The following SNPH variants were observed in gnomAD, a reference collection of about 807,000 sequenced individuals.
SNPH encodes syntaphilin.
In SNPH, 10 loss-of-function variants were observed where a neutral mutation model predicts 36.8. The ratio of observed to expected loss-of-function variants is 0.27; its 90% CI spans 0.17 to 0.46. SNPH has a LOEUF of 0.46. Ranked by LOEUF, SNPH falls within the 20% of genes least tolerant of loss-of-function variation. The pLI, the probability that SNPH is intolerant of heterozygous loss-of-function variation, is 1.00. For missense variants in SNPH, 622 were observed against 744.0 expected (o/e 0.84, Z 1.91); for synonymous variants, 281 against 312.2 (o/e 0.90, Z 1.05).
At position 1,296,358 on chromosome 20, in the gene SNPH, G is replaced by C; in HGVS notation, c.119G>C (p.Arg40Pro). 1 of 1,596,862 alleles carries C rather than the reference G, an allele frequency of 6.3e-7. No individual in the cohort carries two copies. ...PGIPPIPPLTRTHSLMAMSLP... is the reference protein window; with the variant it reads ...PGIPPIPPLTPTHSLMAMSLP... ...ATACCGCCCATCCCACCCCTTACTCGGACCCACAGCCTCATGGCCATGTCC... is the reference window on the plus strand; with the variant it reads ...ATACCGCCCATCCCACCCCTTACTCCGACCCACAGCCTCATGGCCATGTCC... The change falls in exon 4 of 7, where the codon CGG (arginine) becomes CCG (proline). Residue 40 changes from arginine (R) to proline (P), a missense_variant. This residue lies in a region of SNPH where 187 missense variants were observed against 209.4 expected (regional missense o/e 0.89). Transcript: ENST00000381867.
intron 2 of SNPH, among the ~76,000 whole-genome samples, chr20:1,286,831 T>TG (rs565626058): frequency 5.5e-4 from 84 of 152,158 alleles, no homozygotes; most frequent in South Asian, 1.9e-3. Flanking sequence ...GATCTCAGGC[T>TG]GGGTGGGGGC....
chr20:1,300,754 C>A (rs780310362), intron 6 of SNPH, 43 bp downstream of exon 6: 1 of 1,566,422 alleles, frequency 6.4e-7, no homozygotes, highest in East Asian at 2.3e-5. Context: ...ACCCCACCAG[C>A]TCCACACTCA....
chr20:1,271,605 G>A (rs905049638), intron 2 of SNPH, among the ~76,000 whole-genome samples: 1 of 152,198 alleles, frequency 6.6e-6, no homozygotes, highest in Non-Finnish European at 1.5e-5. Context: ...GCCTCCCAAA[G>A]TGTCTTTCTT....
At chr20:1,277,741 G>A (rs960545558) in intron 2 of SNPH, among the ~76,000 whole-genome samples, 14 of 132,824 alleles carry the variant, frequency 1.1e-4, no homozygotes, top group East Asian at 2.5e-4. Context: ...TGTGTGTGTC[G>A]TGTGTCTGTG....
In SNPH at chr20:1,280,148, C is replaced by T. The variant is rs116567090; in HGVS notation, c.-493+13388C>T. 2.4e-3 allele frequency among the ~76,000 whole-genome samples: 369 copies of T among 152,280 alleles called. 2 individuals are homozygous for T. Among genetic ancestry groups the T allele is most frequent in the African/African-American group, 8.2e-3 (341 of 41,528 alleles). ...TGCTCTGAGCTGTGTGGAGCCTGGA[C>T]GAGGACCTCGTGACTTCTTCTGCCA... On this transcript the variant is annotated intron_variant, in intron 2 of 6. Coordinates refer to ENST00000381867, the MANE Select transcript of SNPH (RefSeq NM_001318234.2).
At chr20:1,272,897 C>G (rs62187492) in intron 2 of SNPH, among the ~76,000 whole-genome samples, 3,835 of 152,348 alleles carry the variant, frequency 0.025, 74 homozygotes, top group South Asian at 0.11. Flanking sequence ...CTCCAGATAC[C>G]TCTGTACCCC....
intron 2 of SNPH, among the ~76,000 whole-genome samples, chr20:1,275,792 T>G (rs1049917985): frequency 6.6e-6 from 1 of 152,188 alleles, no homozygotes; most frequent in East Asian, 1.9e-4. Context: ...TTTGATAGTT[T>G]ATGACTTCAG....
chr20:1,266,728 G>A lies in SNPH; in HGVS notation c.-525G>A. ...GCCAAGCCGGGCCGGAGTGGTGCGAGCCGGCGGGGCTGCGGAGGGCCAGTG... is the reference window on the plus strand; with the variant it reads ...GCCAAGCCGGGCCGGAGTGGTGCGAACCGGCGGGGCTGCGGAGGGCCAGTG... On this transcript the variant is annotated 5_prime_UTR_variant, in exon 2 of 7. Transcript: ENST00000381867. This position sits in a 1 kb window ranked among gnomAD's most constrained non-coding sequence, Gnocchi z 6.0. 1 of 1,406,384 alleles carries A rather than the reference G, an allele frequency of 7.1e-7. No individual in the cohort carries two copies. Among genetic ancestry groups the A allele is most frequent in the Non-Finnish European group, 9.2e-7 (1 of 1,084,338 alleles). 87.1% of individuals were successfully genotyped at this position (1,406,384 alleles called of 1,614,324 possible). A position where few individuals can be genotyped will look rare whatever the true frequency, so the allele number is the denominator to read the frequency against.
rs569066585 is a variant in SNPH, at chr20:1,293,339, A to G, written c.-492-1612A>G. Reference sequence around the variant, plus strand: ...AAGATGGGGAAGTGGAGGGAAGTTCAGTGAGGGCAGGGGCTGGGTTTACTC... The same window carrying G: ...AAGATGGGGAAGTGGAGGGAAGTTCGGTGAGGGCAGGGGCTGGGTTTACTC... On this transcript the variant is annotated intron_variant, in intron 2 of 6. Transcript: ENST00000381867. 9.8e-5 allele frequency among the ~76,000 whole-genome samples: 15 copies of G among 152,292 alleles called. No homozygotes were observed. The South Asian group carries it at 3.1e-3, about 32-fold the overall frequency.
At chr20:1,271,093 T>C (rs1253226832) in intron 2 of SNPH, among the ~76,000 whole-genome samples, 1 of 152,168 alleles carries the variant, frequency 6.6e-6, no homozygotes, top group Admixed American at 6.5e-5. Flanking sequence ...CTCAGCACTG[T>C]CCTCTGAATT....
In SNPH at chr20:1,304,133, C is replaced by G. The variant is rs1017943078; in HGVS notation, c.441-745C>G. On this transcript the variant is annotated intron_variant, in intron 6 of 6. Transcript: ENST00000381867. This position sits in a 1 kb window ranked among gnomAD's most constrained non-coding sequence, Gnocchi z 4.3. ...TCACCTGGTGCTTGCCCCCGTCGCTCAGGAGTAACTCTATGCCTTTCTCGT... is the reference window on the plus strand; with the variant it reads ...TCACCTGGTGCTTGCCCCCGTCGCTGAGGAGTAACTCTATGCCTTTCTCGT... 6.6e-6 allele frequency among the ~76,000 whole-genome samples: 1 copy of G among 152,198 alleles called. No individual in the cohort carries two copies. The highest frequency in any genetic ancestry group is 2.4e-5 in the African/African-American group (1 of 41,444).
chr20:1,286,496 T>G (rs1484761257), intron 2 of SNPH, among the ~76,000 whole-genome samples: 1 of 152,194 alleles, frequency 6.6e-6, no homozygotes, highest in Non-Finnish European at 1.5e-5. Context: ...TTGGGTGCGC[T>G]GGGCTCCATG....
intron 2 of SNPH, among the ~76,000 whole-genome samples, chr20:1,289,830 TA>T (rs1209511452): frequency 9.3e-5 from 14 of 151,344 alleles, no homozygotes; most frequent in Non-Finnish European, 1.6e-4. Context: ...ACCCTGGCTC[TA>T]AAAAAAAATT....
At chr20:1,267,388 C>A (rs933518378) in intron 2 of SNPH, among the ~76,000 whole-genome samples, 1 of 152,196 alleles carries the variant, frequency 6.6e-6, no homozygotes, top group African/African-American at 2.4e-5. Context: ...ACCCTGCAGA[C>A]TGAAAGAGAG....
intron 2 of SNPH, among the ~76,000 whole-genome samples, chr20:1,277,546 T>A (rs1203197354): frequency 4.9e-4 from 11 of 22,496 alleles, no homozygotes; most frequent in Non-Finnish European, 6.9e-4. Flanking sequence ...TGTGTGTCTG[T>A]GTGTGTATCT....
intron 2 of SNPH, among the ~76,000 whole-genome samples, chr20:1,291,088 T>C (rs536507166): frequency 4.1e-4 from 62 of 152,324 alleles, no homozygotes; most frequent in African/African-American, 1.4e-3. Context: ...TCTTGGGTGG[T>C]TTGAAGACCT....
chr20:1,291,561 T>C (rs975674715), intron 2 of SNPH, among the ~76,000 whole-genome samples: 3 of 152,196 alleles, frequency 2.0e-5, no homozygotes, highest in Non-Finnish European at 4.4e-5. Flanking sequence ...ATTAGCATTC[T>C]AGGAGCACCA....
intron 2 of SNPH, among the ~76,000 whole-genome samples, chr20:1,281,221 C>A (rs2088215512): frequency 6.6e-6 from 1 of 152,150 alleles, no homozygotes; most frequent in South Asian, 2.1e-4. Context: ...TTGAAGCCAC[C>A]TTTACTTCTG....
chr20:1,273,372 A>C (rs1256523689), intron 2 of SNPH, among the ~76,000 whole-genome samples: 1 of 152,218 alleles, frequency 6.6e-6, no homozygotes, highest in Non-Finnish European at 1.5e-5. Flanking sequence ...TTAATCAAAT[A>C]TTCATCAAGC....
Sources: allele counts gnomAD v4.1 joint callset (sites outside exome capture counted in the v4.1 genomes callset), GRCh38; gene constraint gnomAD v4.1.1; regional missense constraint gnomAD v4.1.1; non-coding constraint Gnocchi (gnomAD v3.1); transcripts MANE v1.5; gene names NCBI Gene and HGNC (gene_info 2026-07-23, HGNC 2026-07-21).